BMP5: variants seen among roughly 807,000 people sequenced by gnomAD.
The protein encoded by BMP5 is bone morphogenetic protein 5.
A neutral mutation model predicts 46.6 loss-of-function variants in BMP5; 23 were observed. That is an observed-to-expected ratio of 0.49 (90% confidence interval 0.35 to 0.70). BMP5 has a LOEUF of 0.70. Among genes scored for constraint, BMP5 ranks in the 30% least tolerant of loss-of-function variants. The pLI is 0.00. For synonymous variants in BMP5, 204 were observed against 191.9 expected (o/e 1.06, Z -0.52); for missense variants, 545 against 565.6 (o/e 0.96, Z 0.37).
chr6:55,863,037 TC>T (rs1279383366), intron 1 of BMP5, among the ~76,000 whole-genome samples: 1 of 152,184 alleles, frequency 6.6e-6, no homozygotes, highest in East Asian at 1.9e-4. Context: ...TGGACCTGGC[TC>T]CTTTGCCCTG....
intron 1 of BMP5, among the ~76,000 whole-genome samples, chr6:55,858,202 T>A (rs1439669362): frequency 6.6e-6 from 1 of 152,268 alleles, no homozygotes; most frequent in African/African-American, 2.4e-5. Flanking sequence ...ATTCTAAAAC[T>A]CTAACTCCTT....
At chr6:55,859,550 A>G (rs1777481574) in intron 1 of BMP5, among the ~76,000 whole-genome samples, 1 of 152,250 alleles carries the variant, frequency 6.6e-6, no homozygotes, top group South Asian at 2.1e-4. Flanking sequence ...AGAATTAAGT[A>G]AGGGTACAAC....
chr6:55,866,469 G>A (rs1382833258), intron 1 of BMP5, among the ~76,000 whole-genome samples: 1 of 152,152 alleles, frequency 6.6e-6, no homozygotes, highest in African/African-American at 2.4e-5. Flanking sequence ...TGCTGCATGT[G>A]AGAATATCAT....
chr6:55,760,619 A>C lies in BMP5; in HGVS notation c.1028-86T>G, dbSNP rs893207928. 4 of 1,189,196 alleles carry C rather than the reference A, an allele frequency of 3.4e-6. No individual in the cohort carries two copies. In the African/African-American group the frequency reaches 6.1e-5, roughly 18 times the overall value. 73.7% of individuals were successfully genotyped at this position (1,189,196 alleles called of 1,614,324 possible). A position where few individuals can be genotyped will look rare whatever the true frequency, so the allele number is the denominator to read the frequency against. On this transcript the variant is annotated intron_variant, in intron 4 of 6. Coordinates refer to ENST00000370830, the MANE Select transcript of BMP5 (RefSeq NM_021073.4). The stretch of plus-strand genomic sequence containing the variant: ...TGTGAGATCACTGGTAAGATTTTTT[A>C]AAGGGGTTTTATTTGAAGTTGTGGA...
At chr6:55,794,484 C>T (rs1775658536) in intron 2 of BMP5, 57 bp from the exon 3 acceptor site, 1 of 1,546,184 alleles carries the variant, frequency 6.5e-7, no homozygotes, top group South Asian at 1.1e-5. Flanking sequence ...ATCATTATTT[C>T]CTAGACTTAA....
chr6:55,791,517 C>G (rs1775571840), intron 3 of BMP5, among the ~76,000 whole-genome samples: 1 of 151,934 alleles, frequency 6.6e-6, no homozygotes, highest in South Asian at 2.1e-4. Flanking sequence ...TTAGTTTACT[C>G]TAGGCTAAAA....
At chr6:55,768,224 G>A (rs557327905) in intron 4 of BMP5, among the ~76,000 whole-genome samples, 14 of 151,928 alleles carry the variant, frequency 9.2e-5, no homozygotes, top group East Asian at 3.9e-4. Flanking sequence ...AAGAGATAGC[G>A]CCTATCAAAT....
At chr6:55,791,843 G>A (rs1775578566) in intron 3 of BMP5, among the ~76,000 whole-genome samples, 1 of 152,196 alleles carries the variant, frequency 6.6e-6, no homozygotes, top group Admixed American at 6.5e-5. Flanking sequence ...TATCCCCAAA[G>A]AGGAGAGTGG....
At chr6:55,843,506 T>A (rs1054356950) in intron 1 of BMP5, among the ~76,000 whole-genome samples, 1 of 152,026 alleles carries the variant, frequency 6.6e-6, no homozygotes, top group Non-Finnish European at 1.5e-5. Flanking sequence ...TGCTGTAATG[T>A]AACACACTGA....
intron 3 of BMP5, among the ~76,000 whole-genome samples, chr6:55,778,183 A>G (rs1487983423): frequency 6.6e-6 from 1 of 152,026 alleles, no homozygotes; most frequent in Admixed American, 6.6e-5. Context: ...ATTCCCTTGT[A>G]TGATATCCAT....
intron 2 of BMP5, among the ~76,000 whole-genome samples, chr6:55,803,928 A>G (rs143343299): frequency 6.6e-6 from 1 of 152,242 alleles, no homozygotes; most frequent in East Asian, 1.9e-4. Flanking sequence ...CCAGCTGCCT[A>G]TGGGAAGCTA....
chr6:55,818,975 T>C (rs9464291), intron 2 of BMP5, among the ~76,000 whole-genome samples: 97 of 149,000 alleles, frequency 6.5e-4, no homozygotes, highest in Middle Eastern at 3.5e-3. Context: ...GACAGACAGA[T>C]AGATAGATAG....
chr6:55,764,470 G>A (rs1178714171), intron 4 of BMP5, among the ~76,000 whole-genome samples: 1 of 151,928 alleles, frequency 6.6e-6, no homozygotes, highest in Non-Finnish European at 1.5e-5. Flanking sequence ...CTACTCAGGA[G>A]GCTGAGGCAG....
Position 55,753,734 on chromosome 6 carries a change from T to A in BMP5, c.*1799A>T, listed in dbSNP as rs965909051. ...TGGCAATTAAGAACAACATAAAGAA[T>A]CATGTGATCCACAAACAGTTTACAT... On this transcript the variant is annotated 3_prime_UTR_variant, in exon 7 of 7. Transcript: ENST00000370830. The A allele has an allele frequency of 2.1e-5, 2 of 95,262 alleles. No homozygotes were observed. The highest frequency in any genetic ancestry group is 4.6e-5 in the Non-Finnish European group (2 of 43,112). 5.9% of individuals were successfully genotyped at this position (95,262 alleles called of 1,614,324 possible).
At chr6:55,803,561 C>T (rs1775907651) in intron 2 of BMP5, among the ~76,000 whole-genome samples, 1 of 152,094 alleles carries the variant, frequency 6.6e-6, no homozygotes, top group Admixed American at 6.5e-5. Context: ...TGGTAAAGTG[C>T]CAGGCTTTTC....
At chr6:55,756,674 G>C (rs1200090515) in intron 6 of BMP5, among the ~76,000 whole-genome samples, 3 of 152,006 alleles carry the variant, frequency 2.0e-5, no homozygotes, top group Admixed American at 6.6e-5. Context: ...TAGGGGCCTT[G>C]CATGTGGACA....
At chr6:55,791,664 T>C (rs1243264032) in intron 3 of BMP5, among the ~76,000 whole-genome samples, 2 of 151,830 alleles carry the variant, frequency 1.3e-5, no homozygotes, top group Non-Finnish European at 2.9e-5. Context: ...GAAGTTAAAT[T>C]ATGGAAATAG....
chr6:55,788,540 C>T (rs927425988), intron 3 of BMP5, among the ~76,000 whole-genome samples: 3 of 151,814 alleles, frequency 2.0e-5, no homozygotes, highest in African/African-American at 7.2e-5. Context: ...AATAAAAGAA[C>T]TAGTCCCAAG....
chr6:55,843,857 T>C (rs997368657), intron 1 of BMP5, among the ~76,000 whole-genome samples: 2 of 152,168 alleles, frequency 1.3e-5, no homozygotes, highest in Admixed American at 6.6e-5. Context: ...CAAAAAAAGA[T>C]GTTTTATCTA....
Sources: gnomAD v4.1 joint callset for allele counts (sites outside exome capture counted in the v4.1 genomes callset) on GRCh38, gnomAD v4.1.1 for gene constraint, MANE v1.5 for transcripts, NCBI Gene and HGNC (gene_info 2026-07-23, HGNC 2026-07-21) for gene names.